Variants in CCKBR observed in about 807,000 individuals in gnomAD.
CCKBR encodes gastrin/cholecystokinin type B receptor.
In CCKBR, 33 loss-of-function variants were observed where a neutral mutation model predicts 34.6. That is an observed-to-expected ratio of 0.95 (90% confidence interval 0.72 to 1.27). CCKBR has a LOEUF of 1.27. Ranked by LOEUF, CCKBR falls within the 50% of genes most tolerant of loss-of-function variation. The pLI, the probability that CCKBR is intolerant of heterozygous loss-of-function variation, is 0.00. For missense variants in CCKBR, 652 were observed against 617.4 expected (o/e 1.06, Z -0.59); for synonymous variants, 269 against 267.5 (o/e 1.01, Z -0.06).
chr11:6,270,681 C>T lies in CCKBR; in HGVS notation c.689C>T (p.Pro230Leu), dbSNP rs772562173. Residue 230 changes from proline to leucine, a missense_variant, in exon 4 of 5, where the codon CCG becomes CTG. Transcript: ENST00000334619. ...VLLLLLLFFI[P>L]GVVMAVAYGL... is the part of the protein sequence containing the mutation. ...CTGCTTCTGCTCTTGTTCTTCATCCCGGGTGTGGTTATGGCCGTGGCCTAC... is the reference window on the plus strand; with the variant it reads ...CTGCTTCTGCTCTTGTTCTTCATCCTGGGTGTGGTTATGGCCGTGGCCTAC... The T allele has an allele frequency of 5.6e-6, 9 of 1,612,242 alleles. No homozygotes were observed. Among genetic ancestry groups the T allele is most frequent in the Admixed American group, 5.0e-5 (3 of 59,962 alleles).
chr11:6,271,626 G>C lies in CCKBR; in HGVS notation c.*83G>C. 1 of 1,366,154 alleles carries C rather than the reference G, an allele frequency of 7.3e-7. No homozygotes were observed. The highest frequency in any genetic ancestry group is 9.8e-7 in the Non-Finnish European group (1 of 1,020,700). The allele number at this position is 1,366,154 out of a possible 1,614,324, so 84.6% of individuals were successfully genotyped here. The stretch of plus-strand genomic sequence containing the variant: ...GACATACGAAACACAAACCACAACT[G>C]ACACAGGAAACCAACACCCAAAGCA... On this transcript the variant is annotated 3_prime_UTR_variant, in exon 5 of 5. Coordinates refer to ENST00000334619, the MANE Select transcript of CCKBR (RefSeq NM_176875.4).
rs577975937 is a variant in CCKBR, at chr11:6,260,873, C to G, written c.151+794C>G. On this transcript the variant is annotated intron_variant, in intron 1 of 4. Transcript: ENST00000334619. ...AGAAACCAAGCAAATGGAAAAATCA[C>G]AGACACAATGGAAGTCCCATGAAAG... Among the ~76,000 whole-genome samples the G allele has an allele frequency of 2.0e-5, 3 of 152,302 alleles. No homozygotes were observed. In the South Asian group the frequency reaches 6.2e-4, roughly 32 times the overall value.
At chr11:6,264,364 G>A (rs1295531627) in intron 1 of CCKBR, 4 of 571,916 alleles carry the variant, frequency 7.0e-6, no homozygotes, top group Non-Finnish European at 9.3e-6. Flanking sequence ...CAGAATTTAA[G>A]GCATCAGCAG....
chr11:6,269,538 A>G, intron 1 of CCKBR, 131 bp from the exon 2 acceptor site: 1 of 1,056,762 alleles, frequency 9.5e-7, no homozygotes, highest in South Asian at 1.5e-5. Flanking sequence ...TTCACCATTT[A>G]CTGAGCAGTT....
intron 1 of CCKBR, among the ~76,000 whole-genome samples, chr11:6,260,358 C>A (rs1397494018): frequency 6.6e-6 from 1 of 152,158 alleles, no homozygotes; most frequent in Non-Finnish European, 1.5e-5. Flanking sequence ...CCTTCCCCAA[C>A]ACGCAGCCCC....
At chr11:6,266,855 T>G (rs1260094854) in intron 1 of CCKBR, among the ~76,000 whole-genome samples, 2 of 152,130 alleles carry the variant, frequency 1.3e-5, no homozygotes, top group African/African-American at 4.8e-5. Flanking sequence ...ACCTAGAAGG[T>G]ATAGCCTACT....
At chr11:6,268,109 G>C (rs1437817456) in intron 1 of CCKBR, among the ~76,000 whole-genome samples, 1 of 152,178 alleles carries the variant, frequency 6.6e-6, no homozygotes, top group African/African-American at 2.4e-5. Context: ...CTCTCAAAGT[G>C]CTGGGATTAC....
intron 1 of CCKBR, chr11:6,264,755 C>A: frequency 2.2e-6 from 1 of 456,332 alleles, no homozygotes; most frequent in Non-Finnish European, 3.8e-6. Flanking sequence ...GCATACAAGT[C>A]TAAGTCTGAT....
intron 1 of CCKBR, among the ~76,000 whole-genome samples, chr11:6,265,468 G>A (rs117854450): frequency 0.013 from 1,912 of 152,032 alleles, 13 homozygotes; most frequent in Middle Eastern, 0.024. Flanking sequence ...GAGGTGTGGC[G>A]AATTGCATCA....
At chr11:6,262,336 C>G (rs559554602) in intron 1 of CCKBR, among the ~76,000 whole-genome samples, 3 of 152,134 alleles carry the variant, frequency 2.0e-5, no homozygotes, top group African/African-American at 7.2e-5. Flanking sequence ...GGTCAAGACT[C>G]TGCATAAGAC....
intron 1 of CCKBR, among the ~76,000 whole-genome samples, chr11:6,260,392 A>C (rs1848112129): frequency 6.6e-6 from 1 of 152,130 alleles, no homozygotes; most frequent in African/African-American, 2.4e-5. Flanking sequence ...TCAGAAGGCG[A>C]GGACCTCCTC....
intron 1 of CCKBR, 112 bp downstream of exon 1, chr11:6,260,191 C>A: frequency 1.4e-6 from 1 of 730,928 alleles, no homozygotes; most frequent in Non-Finnish European, 2.2e-6. Context: ...CACACCGTGC[C>A]TCTCATAGTA....
chr11:6,269,150 A>ATTTTT (rs540603471), intron 1 of CCKBR, among the ~76,000 whole-genome samples: 1 of 43,248 alleles, frequency 2.3e-5, no homozygotes, highest in African/African-American at 5.6e-5. Flanking sequence ...TAAGTGAAGT[A>ATTTTT]TTTTTTTTTT....
At position 6,271,571 on chromosome 11, in the gene CCKBR, C is replaced by T; in HGVS notation, c.*28C>T. On this transcript the variant is annotated 3_prime_UTR_variant, in exon 5 of 5. Transcript: ENST00000334619. ...AGTAGAGGGGCCGTGGGGGTTGAGGCAGGGCAAATGACATGCACTGACCCT... is the reference window on the plus strand; with the variant it reads ...AGTAGAGGGGCCGTGGGGGTTGAGGTAGGGCAAATGACATGCACTGACCCT... 1.3e-6 allele frequency: 2 copies of T among 1,546,994 alleles called. No homozygotes were observed. The highest frequency in any genetic ancestry group is 1.7e-6 in the Non-Finnish European group (2 of 1,150,770).
chr11:6,270,583 T>C, intron 3 of CCKBR, 63 bp from the exon 4 acceptor site: 1 of 1,525,174 alleles, frequency 6.6e-7, no homozygotes, highest in Non-Finnish European at 8.9e-7. Flanking sequence ...AGTCCTTGGC[T>C]TTTTCTCCAT....
At position 6,267,367 on chromosome 11, in the gene CCKBR, AAC is replaced by A. The variant is rs1468280606; in HGVS notation, c.152-2301_152-2300del. On this transcript the variant is annotated intron_variant, in intron 1 of 4. Coordinates refer to ENST00000334619, the MANE Select transcript of CCKBR (RefSeq NM_176875.4). Reference sequence around the variant, plus strand: ...TGTTTTTAACTTTAGAAAAAAAAAAAACCTTTCTGTTAAAACCAAGACACAAA... The same window carrying A: ...TGTTTTTAACTTTAGAAAAAAAAAAACTTTCTGTTAAAACCAAGACACAAA... Among the ~76,000 whole-genome samples the A allele has an allele frequency of 7.0e-5, 10 of 142,064 alleles. No homozygotes were observed. In the East Asian group the frequency reaches 2.2e-3, roughly 31 times the overall value. The allele number at this position is 142,064 out of a possible 152,430, so 93.2% of individuals were successfully genotyped here.
rs1564888761 is a variant in CCKBR, at chr11:6,270,764, G to A, written c.772G>A (p.Asp258Asn). 1.2e-6 allele frequency: 2 copies of A among 1,614,200 alleles called. No individual in the cohort carries two copies. The highest frequency in any genetic ancestry group is 2.2e-5 in the East Asian group (1 of 44,888). The stretch of plus-strand genomic sequence containing the variant: ...TCGCTTTGACGGCGACAGTGACAGC[G>A]ACAGCCAAAGCAGGGTCCGAAACCA... ...GLRFDGDSDS[D>N]SQSRVRNQGG... The change falls in exon 4 of 5, where the codon GAC becomes AAC. Residue 258 changes from aspartate to asparagine, a missense_variant. Asp to Asn is a conservative substitution (Grantham distance 23, BLOSUM62 1). Coordinates refer to ENST00000334619, the MANE Select transcript of CCKBR (RefSeq NM_176875.4).
chr11:6,261,396 A>G (rs916991231), intron 1 of CCKBR, among the ~76,000 whole-genome samples: 13 of 148,724 alleles, frequency 8.7e-5, no homozygotes, highest in African/African-American at 3.2e-4. Context: ...CTACAAAGTC[A>G]AAAAAATTAG....
chr11:6,269,743 A>G lies in CCKBR; in HGVS notation c.226A>G (p.Ile76Val), dbSNP rs138693892. 5.6e-6 allele frequency: 9 copies of G among 1,614,062 alleles called. No individual in the cohort carries two copies. Among genetic ancestry groups the G allele is most frequent in the African/African-American group, 1.3e-5 (1 of 74,922 alleles). ...GAGCGTTGGAGGAAATATGCTCATC[A>G]TCGTGGTCCTGGGACTGAGCCGCCG... ...LMSVGGNMLI[I>V]VVLGLSRRLR... The change falls in exon 2 of 5, where the codon ATC becomes GTC. Residue 76 changes from isoleucine to valine, a missense_variant. Physicochemically the swap from Ile to Val is conservative, Grantham distance 29. Transcript: ENST00000334619.
Sources: gnomAD v4.1 joint callset for allele counts (sites outside exome capture counted in the v4.1 genomes callset) on GRCh38, gnomAD v4.1.1 for gene constraint, MANE v1.5 for transcripts, NCBI Gene and HGNC (gene_info 2026-07-23, HGNC 2026-07-21) for gene names.